Variants in PARPBP observed in about 807,000 individuals in gnomAD.
PARPBP encodes the protein PCNA-interacting partner.
In PARPBP, 52 loss-of-function variants were observed where a neutral mutation model predicts 50.0. The observed-to-expected ratio is 1.04, with a 90% CI of 0.83 to 1.31. The LOEUF is 1.31. Among genes scored for constraint, PARPBP ranks in the 50% most tolerant of loss-of-function variants. PARPBP has a pLI of 0.00. For missense variants in PARPBP, 697 were observed against 672.0 expected (o/e 1.04, Z -0.41); for synonymous variants, 244 against 232.1 (o/e 1.05, Z -0.47).
At chr12:102,136,234 A>C (rs1417102388) in intron 2 of PARPBP, among the ~76,000 whole-genome samples, 2 of 152,224 alleles carry the variant, frequency 1.3e-5, no homozygotes, top group Non-Finnish European at 2.9e-5. Flanking sequence ...TAAATGATGG[A>C]TTATGAGAAT....
At chr12:102,145,277 A>C (rs1407035488) in intron 2 of PARPBP, among the ~76,000 whole-genome samples, 4 of 152,148 alleles carry the variant, frequency 2.6e-5, no homozygotes, top group Admixed American at 2.6e-4. Flanking sequence ...ACCCATCTTC[A>C]AATGCAATGA....
chr12:102,151,819 C>A (rs1886246145), intron 3 of PARPBP: 2 of 1,517,768 alleles, frequency 1.3e-6, no homozygotes, highest in Non-Finnish European at 1.8e-6. Flanking sequence ...ATGGGAAAGC[C>A]ACCCGCTTCA....
In PARPBP at chr12:102,158,120, CAAAAAAAAAAAAA is replaced by C. The variant is rs55962862; in HGVS notation, c.495+4155_495+4167del. On this transcript the variant is annotated intron_variant, in intron 4 of 10. Coordinates refer to ENST00000327680, the MANE Select transcript of PARPBP (RefSeq NM_017915.5). ...TGGGAGGGAGTGCGAGACTCCATCT[CAAAAAAAAAAAAA>C]AAAAAAAAAAGAATAGTGAGCTTCT... Among the ~76,000 whole-genome samples the C allele has an allele frequency of 6.7e-4, 32 of 47,984 alleles. 1 individual carries two copies. In the South Asian group the frequency reaches 0.023, roughly 34 times the overall value. The allele number at this position is 47,984 out of a possible 152,430, so 31.5% of individuals were successfully genotyped here.
At chr12:102,151,494 A>C (rs1306770061) in intron 3 of PARPBP, 2 of 971,376 alleles carry the variant, frequency 2.1e-6, no homozygotes, top group African/African-American at 1.6e-5. Context: ...AGATGCATCA[A>C]CATCAGTGAA....
At chr12:102,166,838 A>G (rs1486433252) in intron 6 of PARPBP, among the ~76,000 whole-genome samples, 1 of 152,136 alleles carries the variant, frequency 6.6e-6, no homozygotes, top group African/African-American at 2.4e-5. Flanking sequence ...ATGGATATCC[A>G]TTACAAAGAA....
chr12:102,132,208 C>A (rs1882971617), intron 2 of PARPBP, among the ~76,000 whole-genome samples: 1 of 144,868 alleles, frequency 6.9e-6, no homozygotes, highest in South Asian at 2.1e-4. Flanking sequence ...GAGACCCTGT[C>A]TCAAAAAAAA....
At chr12:102,124,425 A>C in intron 2 of PARPBP, among the ~76,000 whole-genome samples, 1 of 152,198 alleles carries the variant, frequency 6.6e-6, no homozygotes, top group East Asian at 1.9e-4. Flanking sequence ...TCCAATCTGC[A>C]CCGGGATACT....
At chr12:102,170,679 AG>A (rs1314939596) in intron 6 of PARPBP, among the ~76,000 whole-genome samples, 2 of 152,336 alleles carry the variant, frequency 1.3e-5, no homozygotes, top group East Asian at 3.9e-4. Flanking sequence ...TTATAAACCT[AG>A]GCCACACTAA....
At chr12:102,139,304 A>T (rs1304874363) in intron 2 of PARPBP, among the ~76,000 whole-genome samples, 1 of 152,182 alleles carries the variant, frequency 6.6e-6, no homozygotes, top group Non-Finnish European at 1.5e-5. Flanking sequence ...TTGGTGTATA[A>T]GAATGCTTGT....
chr12:102,184,046 G>GAAAAAAAAAAAAAAA (rs71438459), intron 9 of PARPBP, among the ~76,000 whole-genome samples: 5 of 59,978 alleles, frequency 8.3e-5, no homozygotes, highest in African/African-American at 2.9e-4. Flanking sequence ...GACTCTATCT[G>GAAAAAAAAAAAAAAA]AAAAAAAAAA....
chr12:102,192,755 T>A (rs1890906380), intron 9 of PARPBP, among the ~76,000 whole-genome samples: 1 of 152,088 alleles, frequency 6.6e-6, no homozygotes, highest in African/African-American at 2.4e-5. Flanking sequence ...GCAAATTTTA[T>A]AAGTAGAATG....
At position 102,197,230 on chromosome 12, in the gene PARPBP, C is replaced by T; in HGVS notation, c.*939C>T. 7.8e-7 allele frequency: 1 copy of T among 1,286,000 alleles called. No individual in the cohort carries two copies. Among genetic ancestry groups the T allele is most frequent in the Middle Eastern group, 1.8e-4 (1 of 5,434 alleles). The allele number at this position is 1,286,000 out of a possible 1,614,324, so 79.7% of individuals were successfully genotyped here. On this transcript the variant is annotated 3_prime_UTR_variant, in exon 11 of 11. Transcript: ENST00000327680. ...TCGTATTCGGAGTGGAACTATAATA[C>T]AATTGTATAATATTCTTGTTGATCA...
At chr12:102,146,773 A>C (rs1885414388) in intron 2 of PARPBP, among the ~76,000 whole-genome samples, 2 of 152,204 alleles carry the variant, frequency 1.3e-5, no homozygotes, top group Non-Finnish European at 2.9e-5. Context: ...CGTCAGAGTG[A>C]ACAGGCAACC....
chr12:102,168,129 A>G (rs1888334359), intron 6 of PARPBP, among the ~76,000 whole-genome samples: 1 of 152,016 alleles, frequency 6.6e-6, no homozygotes, highest in South Asian at 2.1e-4. Flanking sequence ...TTCCTCTCTC[A>G]TTCTCTTTTT....
chr12:102,164,320 A>G (rs868862538), intron 4 of PARPBP, 118 bp from the exon 5 acceptor site: 18 of 708,892 alleles, frequency 2.5e-5, no homozygotes, highest in Middle Eastern at 7.8e-4. Flanking sequence ...TTATTTTTCT[A>G]AAGAGTTAAG....
intron 3 of PARPBP, among the ~76,000 whole-genome samples, chr12:102,149,481 A>T (rs1021682120): frequency 1.3e-5 from 2 of 152,150 alleles, no homozygotes; most frequent in African/African-American, 2.4e-5. Context: ...CAGCCATTAT[A>T]TCCATTATAT....
chr12:102,184,491 T>A (rs1890136364), intron 9 of PARPBP, among the ~76,000 whole-genome samples: 1 of 152,208 alleles, frequency 6.6e-6, no homozygotes. Context: ...GATCATCTAA[T>A]GCAGTCTCAT....
intron 2 of PARPBP, among the ~76,000 whole-genome samples, chr12:102,133,714 T>G (rs1207343595): frequency 6.6e-6 from 1 of 152,068 alleles, no homozygotes; most frequent in African/African-American, 2.4e-5. Flanking sequence ...ATACAGAACA[T>G]TCGTCAAGAT....
chr12:102,147,248 T>C (rs563018451), intron 2 of PARPBP, among the ~76,000 whole-genome samples: 8 of 152,328 alleles, frequency 5.3e-5, no homozygotes, highest in African/African-American at 1.9e-4. Context: ...ATCATGCTGC[T>C]GTAAAGACAC....
Sources: allele counts gnomAD v4.1 joint callset (sites outside exome capture counted in the v4.1 genomes callset), GRCh38; gene constraint gnomAD v4.1.1; transcripts MANE v1.5; gene names NCBI Gene and HGNC (gene_info 2026-07-23, HGNC 2026-07-21).